OPCML: variants seen among roughly 807,000 people sequenced by gnomAD.
OPCML encodes opioid-binding protein/cell adhesion molecule.
In OPCML, 13 loss-of-function variants were observed where a neutral mutation model predicts 37.8. The observed-to-expected ratio is 0.34, with a 90% CI of 0.22 to 0.55. OPCML has a LOEUF of 0.55. OPCML is among the 20% of genes least tolerant of loss of function. The pLI is 0.91. For synonymous variants in OPCML, 176 were observed against 168.8 expected (o/e 1.04, Z -0.33); for missense variants, 341 against 435.6 (o/e 0.78, Z 1.93).
chr11:133,530,688 T>A (rs1001470466), intron 1 of OPCML, among the ~76,000 whole-genome samples: 1 of 152,228 alleles, frequency 6.6e-6, no homozygotes, highest in African/African-American at 2.4e-5. Context: ...ACCCCCACTC[T>A]GAACTTCTTG....
In OPCML at chr11:132,858,589, C is replaced by T. The variant is rs78917068; in HGVS notation, c.146+84337G>A. 6.5e-3 allele frequency among the ~76,000 whole-genome samples: 982 copies of T among 152,226 alleles called. 9 individuals carry two copies. The highest frequency in any genetic ancestry group is 0.023 in the African/African-American group (938 of 41,540). ...GATTTCCCAGAGGCCCCTTTCTTCC[C>T]GGGGGGTGAGGAGAACTTTGGCTCA... On this transcript the variant is annotated intron_variant, in intron 2 of 7. Coordinates refer to ENST00000524381, the MANE Select transcript of OPCML (RefSeq NM_001012393.5).
intron 2 of OPCML, among the ~76,000 whole-genome samples, chr11:132,734,293 T>G (rs374921065): frequency 1.3e-5 from 2 of 152,186 alleles, no homozygotes; most frequent in Middle Eastern, 3.2e-3. Context: ...GAGAGGCCTG[T>G]GCATCCAGTA....
chr11:133,270,872 CAGA>C (rs1941808470), intron 1 of OPCML, among the ~76,000 whole-genome samples: 1 of 152,156 alleles, frequency 6.6e-6, no homozygotes, highest in South Asian at 2.1e-4. Flanking sequence ...ACCAAGTTTA[CAGA>C]AGAAGTATAC....
intron 1 of OPCML, among the ~76,000 whole-genome samples, chr11:133,518,734 G>A (rs1372901881): frequency 1.3e-5 from 2 of 150,056 alleles, no homozygotes; most frequent in Admixed American, 6.6e-5. Flanking sequence ...GGGCTGTGGC[G>A]TGGACAGTGG....
chr11:133,096,777 G>T (rs1312863386), intron 1 of OPCML, among the ~76,000 whole-genome samples: 2 of 151,922 alleles, frequency 1.3e-5, no homozygotes, highest in African/African-American at 4.8e-5. Context: ...TTAGAGCAAG[G>T]TAAGTCATCA....
intron 2 of OPCML, among the ~76,000 whole-genome samples, chr11:132,922,717 T>G (rs892213558): frequency 6.6e-6 from 1 of 152,162 alleles, no homozygotes; most frequent in African/African-American, 2.4e-5. Context: ...TACTCACAAC[T>G]TGAGATACAG....
At chr11:132,514,902 C>T (rs932412164) in intron 4 of OPCML, among the ~76,000 whole-genome samples, 3 of 152,148 alleles carry the variant, frequency 2.0e-5, no homozygotes, top group East Asian at 1.9e-4. Context: ...GCACTGGCAA[C>T]GTCCTGAGTG....
At chr11:133,200,138 C>A (rs942280560) in intron 1 of OPCML, among the ~76,000 whole-genome samples, 1 of 152,158 alleles carries the variant, frequency 6.6e-6, no homozygotes, top group Admixed American at 6.5e-5. Flanking sequence ...CTGCTGAACT[C>A]TTTACTTACT....
At chr11:132,829,059 T>C (rs1300995833) in intron 2 of OPCML, among the ~76,000 whole-genome samples, 1 of 152,208 alleles carries the variant, frequency 6.6e-6, no homozygotes, top group Non-Finnish European at 1.5e-5. Context: ...TTACTCCAAC[T>C]CACACATTAC....
At chr11:133,324,711 C>G (rs1026830449) in intron 1 of OPCML, among the ~76,000 whole-genome samples, 4 of 152,072 alleles carry the variant, frequency 2.6e-5, no homozygotes, top group Admixed American at 1.3e-4. Flanking sequence ...CAATCAGGCA[C>G]AAATTTGAAA....
At chr11:132,969,897 T>C (rs1020138299) in intron 1 of OPCML, among the ~76,000 whole-genome samples, 1 of 152,224 alleles carries the variant, frequency 6.6e-6, no homozygotes, top group African/African-American at 2.4e-5. Context: ...AAGTCTTTGT[T>C]AAATCTGACA....
chr11:133,273,103 T>C lies in OPCML; in HGVS notation c.61+259161A>G, dbSNP rs7942156. Among the ~76,000 whole-genome samples, 1,279 of 152,272 alleles carry C rather than the reference T, an allele frequency of 8.4e-3. 21 individuals carry two copies. Among genetic ancestry groups the C allele is most frequent in the African/African-American group, 0.029 (1,204 of 41,542 alleles). ...CAAGGAGAGCTGGCAGAGCACCAGATAGCAGCCACCCACTGAAAGTGGATG... is the reference window on the plus strand; with the variant it reads ...CAAGGAGAGCTGGCAGAGCACCAGACAGCAGCCACCCACTGAAAGTGGATG... On this transcript the variant is annotated intron_variant, in intron 1 of 7. Transcript: ENST00000524381.
At chr11:133,385,266 G>A (rs777928538) in intron 1 of OPCML, among the ~76,000 whole-genome samples, 3 of 152,188 alleles carry the variant, frequency 2.0e-5, no homozygotes, top group Non-Finnish European at 4.4e-5. Context: ...CACTGTGACT[G>A]CTGGGTCTCC....
intron 2 of OPCML, among the ~76,000 whole-genome samples, chr11:132,909,765 T>C (rs1488776885): frequency 1.3e-5 from 2 of 152,218 alleles, no homozygotes; most frequent in Non-Finnish European, 2.9e-5. Flanking sequence ...CACCGGCCTC[T>C]TCTTGCTAAT....
At chr11:132,572,155 A>C (rs2096440224) in intron 3 of OPCML, among the ~76,000 whole-genome samples, 1 of 149,582 alleles carries the variant, frequency 6.7e-6, no homozygotes, top group Admixed American at 6.7e-5. Flanking sequence ...TTTACATATT[A>C]ATATTTTTAG....
chr11:132,518,847 T>G (rs1266511824), intron 4 of OPCML, among the ~76,000 whole-genome samples: 4 of 152,154 alleles, frequency 2.6e-5, no homozygotes, highest in Non-Finnish European at 5.9e-5. Flanking sequence ...CAAATAGTCT[T>G]AATGCATTAA....
At chr11:133,265,867 A>G (rs1272493749) in intron 1 of OPCML, among the ~76,000 whole-genome samples, 1 of 152,196 alleles carries the variant, frequency 6.6e-6, no homozygotes. Flanking sequence ...CTTTTGAGAA[A>G]CAGTGAGACT....
At chr11:132,531,680 T>C (rs1355074855) in intron 3 of OPCML, among the ~76,000 whole-genome samples, 2 of 152,120 alleles carry the variant, frequency 1.3e-5, no homozygotes, top group South Asian at 2.1e-4. Context: ...GCACATATTT[T>C]ACCCAAATAC....
intron 1 of OPCML, among the ~76,000 whole-genome samples, chr11:132,996,920 G>A (rs1946898880): frequency 6.6e-6 from 1 of 152,192 alleles, no homozygotes; most frequent in South Asian, 2.1e-4. Flanking sequence ...TAGCAGCACA[G>A]GTCCTAAGGG....
Sources: gnomAD v4.1 joint callset for allele counts (sites outside exome capture counted in the v4.1 genomes callset) on GRCh38, gnomAD v4.1.1 for gene constraint, MANE v1.5 for transcripts, NCBI Gene and HGNC (gene_info 2026-07-23, HGNC 2026-07-21) for gene names.